SEC24B: variants seen among roughly 807,000 people sequenced by gnomAD.
The protein encoded by SEC24B is SEC24 homolog B, COPII component.
SEC24B carries 45 observed loss-of-function variants against 142.8 expected under a neutral mutation model. That is an observed-to-expected ratio of 0.32 (90% confidence interval 0.25 to 0.40). SEC24B has a LOEUF of 0.40. Ranked by LOEUF, SEC24B falls within the 10% of genes least tolerant of loss-of-function variation. The pLI is 1.00. For synonymous variants in SEC24B, 574 were observed against 568.2 expected (o/e 1.01, Z -0.15); for missense variants, 1,409 against 1,526.8 (o/e 0.92, Z 1.29).
chr4:109,517,994 G>GTC (rs1723155611), intron 11 of SEC24B, among the ~76,000 whole-genome samples: 1 of 151,718 alleles, frequency 6.6e-6, no homozygotes, highest in Non-Finnish European at 1.5e-5. Flanking sequence ...TTGAGACAGA[G>GTC]TCTCGCTCTG....
Position 109,525,384 on chromosome 4 carries a change from T to C in SEC24B, c.2671T>C (p.Tyr891His), listed in dbSNP as rs760346420. 16 of 1,610,574 alleles carry C rather than the reference T, an allele frequency of 9.9e-6. No individual in the cohort carries two copies. The highest frequency in any genetic ancestry group is 1.3e-5 in the Non-Finnish European group (15 of 1,178,190). ...SKYSAGCIYY[Y>H]PSFHYTHNPS... is the part of the protein sequence containing the mutation. ...GTATTCTGCAGGGTGCATCTATTAT[T>C]ATCCATCATTCCACTATACTCACAA... Residue 891 changes from tyrosine (Y) to histidine (H), a missense_variant, in exon 16 of 24, where the codon TAT becomes CAT. Transcript: ENST00000265175.
intron 3 of SEC24B, among the ~76,000 whole-genome samples, chr4:109,480,085 G>A (rs192491681): frequency 1.6e-4 from 25 of 151,860 alleles, no homozygotes; most frequent in African/African-American, 4.8e-4. Flanking sequence ...CTATTTTACC[G>A]ATATTAAAAG....
chr4:109,469,999 A>G (rs1261396896), intron 2 of SEC24B, among the ~76,000 whole-genome samples: 1 of 152,226 alleles, frequency 6.6e-6, no homozygotes, highest in Non-Finnish European at 1.5e-5. Flanking sequence ...AAATGAAAAC[A>G]TAATCTCATT....
At chr4:109,533,811 A>C (rs1579009536) in intron 22 of SEC24B, 126 bp downstream of exon 22, 1 of 681,426 alleles carries the variant, frequency 1.5e-6, no homozygotes. Context: ...ACAGTGTTTT[A>C]CAGCCATTAC....
chr4:109,439,514 TTTTTTG>T (rs1728731949), intron 1 of SEC24B, among the ~76,000 whole-genome samples: 1 of 106,258 alleles, frequency 9.4e-6, no homozygotes, highest in Non-Finnish European at 1.8e-5. Flanking sequence ...TTTTTTTTTT[TTTTTTG>T]AGACTGAGTT....
At position 109,483,963 on chromosome 4, in the gene SEC24B, C is replaced by T. The variant is rs1734086789; in HGVS notation, c.1165+2182C>T. 2.6e-5 allele frequency among the ~76,000 whole-genome samples: 4 copies of T among 152,108 alleles called. No individual in the cohort carries two copies. The South Asian group carries it at 6.2e-4, about 24-fold the overall frequency. On this transcript the variant is annotated intron_variant, in intron 4 of 23. Coordinates refer to ENST00000265175, the MANE Select transcript of SEC24B (RefSeq NM_006323.5). ...AATTGGAGACATCATGAACTTTACC[C>T]CTAATACTTTATGTTTCCTAATCAT...
At chr4:109,471,238 G>T (rs1296043586) in intron 2 of SEC24B, among the ~76,000 whole-genome samples, 2 of 152,118 alleles carry the variant, frequency 1.3e-5, no homozygotes, top group Admixed American at 6.5e-5. Context: ...CTCCTCCTGG[G>T]CTCAAGCCAT....
At position 109,499,281 on chromosome 4, in the gene SEC24B, CTTA is replaced by C. The variant is rs138446031; in HGVS notation, c.1488+4430_1488+4432del. Among the ~76,000 whole-genome samples the C allele has an allele frequency of 5.1e-3, 773 of 152,304 alleles. 6 individuals carry two copies. The highest frequency in any genetic ancestry group is 0.018 in the African/African-American group (744 of 41,556). ...TTTAACAGTATAAGAAGAAACCTTT[CTTA>C]TTATATCTTTCATCATTTTGGGACT... On this transcript the variant is annotated intron_variant, in intron 6 of 23. Transcript: ENST00000265175.
In SEC24B at chr4:109,481,678, C is replaced by T. The variant is rs908481817; in HGVS notation, c.1062C>T (p.Gly354=). 4.4e-6 allele frequency: 7 copies of T among 1,605,542 alleles called. No individual in the cohort carries two copies. The highest frequency in any genetic ancestry group is 1.7e-5 in the Admixed American group (1 of 59,250). The change falls in exon 4 of 24, where the codon GGC becomes GGT. Residue 354 remains glycine, a splice_region_variant and synonymous_variant. Coordinates refer to ENST00000265175, the MANE Select transcript of SEC24B (RefSeq NM_006323.5). Reference sequence around the variant, plus strand: ...ATGTTTGTGCTTTCCACTTTACAGGCGTGCAGTATGGTGAATATGTTAATA... The same window carrying T: ...ATGTTTGTGCTTTCCACTTTACAGGTGTGCAGTATGGTGAATATGTTAATA... ...TQPSELLQQK[G]VQYGEYVNNQ...
intron 3 of SEC24B, among the ~76,000 whole-genome samples, chr4:109,481,018 A>G (rs1029952108): frequency 3.3e-5 from 5 of 152,148 alleles, no homozygotes; most frequent in African/African-American, 9.7e-5. Context: ...CATGTAGGCA[A>G]TAGGATGACA....
intron 1 of SEC24B, among the ~76,000 whole-genome samples, chr4:109,457,593 C>T (rs577162007): frequency 9.8e-5 from 15 of 152,352 alleles, no homozygotes; most frequent in African/African-American, 1.4e-4. Flanking sequence ...CTCTTAATAC[C>T]GTTACAATGG....
intron 9 of SEC24B, among the ~76,000 whole-genome samples, 171 bp downstream of exon 9, chr4:109,512,254 A>C (rs1181237444): frequency 1.3e-5 from 2 of 152,134 alleles, no homozygotes; most frequent in Non-Finnish European, 2.9e-5. Context: ...ATTTTGGCTG[A>C]CCAAGGGGAT....
At chr4:109,526,426 T>C (rs1167271507) in intron 17 of SEC24B, 27 bp downstream of exon 17, 3 of 1,546,984 alleles carry the variant, frequency 1.9e-6, no homozygotes, top group African/African-American at 2.7e-5. Context: ...TGAAATATAG[T>C]CTGCAGCAGT....
In SEC24B at chr4:109,491,333, A is replaced by G. The variant is rs1239711472; in HGVS notation, c.1172A>G (p.Asp391Gly). Reference protein sequence around the residue: ...EEEEDEEAGVDSSSTTSSASP... With the variant: ...EEEEDEEAGVGSSSTTSSASP... ...ATTTTGGTTTTCCTTTTAGGTGTTG[A>G]CAGCTCTTCTACCACAAGCAGTGCT... Residue 391 changes from aspartate to glycine, a missense_variant, in exon 5 of 24, where the codon GAC becomes GGC. Physicochemically the swap from Asp to Gly is moderately conservative, Grantham distance 94. Coordinates refer to ENST00000265175, the MANE Select transcript of SEC24B (RefSeq NM_006323.5). The G allele has an allele frequency of 1.2e-6, 2 of 1,611,450 alleles. No individual in the cohort carries two copies. Among genetic ancestry groups the G allele is most frequent in the East Asian group, 4.5e-5 (2 of 44,764 alleles).
chr4:109,457,937 T>C (rs1366870899), intron 1 of SEC24B, among the ~76,000 whole-genome samples: 8 of 152,218 alleles, frequency 5.3e-5, no homozygotes, highest in Non-Finnish European at 8.8e-5. Flanking sequence ...ATCACACTTT[T>C]CCATGTAATT....
Position 109,467,198 on chromosome 4 carries a change from C to T in SEC24B, c.877+3554C>T, listed in dbSNP as rs1039818492. Among the ~76,000 whole-genome samples the T allele has an allele frequency of 4.6e-5, 7 of 151,048 alleles. No individual in the cohort carries two copies. In the East Asian group the frequency reaches 5.9e-4, roughly 13 times the overall value. ...AAAATTAGCCGGGCGTGGTAGCGGGCGCCTGTAGTCCCAGCTACTCGGGAG... is the reference window on the plus strand; with the variant it reads ...AAAATTAGCCGGGCGTGGTAGCGGGTGCCTGTAGTCCCAGCTACTCGGGAG... On this transcript the variant is annotated intron_variant, in intron 2 of 23. Coordinates refer to ENST00000265175, the MANE Select transcript of SEC24B (RefSeq NM_006323.5).
chr4:109,446,734 A>T (rs1456665709), intron 1 of SEC24B, among the ~76,000 whole-genome samples: 3 of 152,274 alleles, frequency 2.0e-5, no homozygotes, highest in African/African-American at 7.2e-5. Flanking sequence ...TATTTTACAT[A>T]GTGAAAGCTT....
At position 109,538,580 on chromosome 4, in the gene SEC24B, A is replaced by G. The variant is rs199667887; in HGVS notation, c.3676A>G (p.Ile1226Val). The G allele has an allele frequency of 9.0e-5, 144 of 1,596,826 alleles. No homozygotes were observed. Among genetic ancestry groups the G allele is most frequent in the East Asian group, 2.5e-4 (11 of 44,746 alleles). The change falls in exon 23 of 24, where the codon ATC (isoleucine) becomes GTC (valine). Residue 1226 changes from isoleucine to valine, a missense_variant. Physicochemically the swap from Ile to Val is conservative, Grantham distance 29 (BLOSUM62 3). This residue lies in a region of SEC24B where 700 missense variants were observed against 853.3 expected (regional missense o/e 0.82). Coordinates refer to ENST00000265175, the MANE Select transcript of SEC24B (RefSeq NM_006323.5). ...TAGAGACAGCAGACCATTAAGTCCA[A>G]TCCTTCACATAGTAAAGTAAGTACT... is the stretch of plus-strand genomic sequence containing the variant. ...WLRDSRPLSP[I>V]LHIVKDESPA...
At chr4:109,479,162 A>T (rs1172504102) in intron 3 of SEC24B, among the ~76,000 whole-genome samples, 2 of 152,172 alleles carry the variant, frequency 1.3e-5, no homozygotes, top group Non-Finnish European at 2.9e-5. Context: ...TCCTTTCGAA[A>T]ATATTGGGGC....
Sources: allele counts gnomAD v4.1 joint callset (sites outside exome capture counted in the v4.1 genomes callset), GRCh38; gene constraint gnomAD v4.1.1; regional missense constraint gnomAD v4.1.1; transcripts MANE v1.5; gene names NCBI Gene and HGNC (gene_info 2026-07-23, HGNC 2026-07-21).